NPAS3: variants seen among roughly 807,000 people sequenced by gnomAD.
NPAS3 encodes neuronal PAS domain protein 3, also known as neuronal PAS domain-containing protein 3.
Under a neutral mutation model 73.1 loss-of-function variants are expected in NPAS3, and 14 were observed. The ratio of observed to expected loss-of-function variants is 0.19; its 90% CI spans 0.13 to 0.30. NPAS3 has a LOEUF of 0.30. Among genes scored for constraint, NPAS3 ranks in the 10% least tolerant of loss-of-function variants. The pLI, the probability that NPAS3 is intolerant of heterozygous loss-of-function variation, is 1.00. For missense variants in NPAS3, 1,096 were observed against 1,250.0 expected (o/e 0.88, Z 1.86); for synonymous variants, 620 against 541.5 (o/e 1.14, Z -2.01).
chr14:33,449,970 T>A (rs1245379153), intron 4 of NPAS3, among the ~76,000 whole-genome samples: 5 of 152,180 alleles, frequency 3.3e-5, no homozygotes, highest in African/African-American at 1.2e-4. Context: ...GTCAGAAAAT[T>A]AACAACTGAG....
At chr14:32,992,450 A>G (rs1330058337) in intron 1 of NPAS3, among the ~76,000 whole-genome samples, 1 of 152,146 alleles carries the variant, frequency 6.6e-6, no homozygotes, top group Non-Finnish European at 1.5e-5. Context: ...ACCCAGGTAC[A>G]GGTAGTGTCT....
downstream of NPAS3, chr14:33,803,660 CAGAT>C (rs2063765774): frequency 6.9e-6 from 1 of 145,384 alleles, no homozygotes; most frequent in African/African-American, 2.6e-5. Flanking sequence ...TTTAAACTAA[CAGAT>C]AATCACAGCT....
chr14:33,563,537 C>CGCACACACACACACAGAGAGAGAG (rs2055760190), intron 5 of NPAS3, among the ~76,000 whole-genome samples: 1 of 119,652 alleles, frequency 8.4e-6, no homozygotes, highest in African/African-American at 3.7e-5. Flanking sequence ...CACACACACA[C>CGCACACACACACACAGAGAGAGAG]AGAGAGAGAG....
intron 9 of NPAS3, among the ~76,000 whole-genome samples, chr14:33,789,675 G>A (rs1182129699): frequency 7.7e-6 from 1 of 130,510 alleles, no homozygotes; most frequent in Non-Finnish European, 1.6e-5. Flanking sequence ...TGCAAGCTCC[G>A]CCTCCCGGGT....
intron 7 of NPAS3, among the ~76,000 whole-genome samples, chr14:33,742,789 T>C (rs906923382): frequency 1.3e-5 from 2 of 152,224 alleles, no homozygotes; most frequent in African/African-American, 2.4e-5. Context: ...TTTCAAACCC[T>C]TATCAATTAA....
At chr14:33,008,328 T>C (rs2039071763) in intron 1 of NPAS3, among the ~76,000 whole-genome samples, 2 of 152,156 alleles carry the variant, frequency 1.3e-5, no homozygotes, top group Admixed American at 1.3e-4. Flanking sequence ...TAGAGTAACA[T>C]ATACAATACA....
chr14:33,367,341 A>C (rs999763771), intron 4 of NPAS3, 73 bp downstream of exon 4: 5 of 702,144 alleles, frequency 7.1e-6, no homozygotes, highest in Non-Finnish European at 1.2e-5. Flanking sequence ...TTTTTTTTAA[A>C]GAATTTTTTT....
At chr14:33,154,015 G>T (rs2044556720) in intron 2 of NPAS3, among the ~76,000 whole-genome samples, 1 of 152,142 alleles carries the variant, frequency 6.6e-6, no homozygotes, top group African/African-American at 2.4e-5. Flanking sequence ...CATTCAGTGT[G>T]GGTCCAGGCT....
intron 10 of NPAS3, among the ~76,000 whole-genome samples, chr14:33,797,152 C>T (rs2063536831): frequency 1.3e-5 from 2 of 152,180 alleles, no homozygotes; most frequent in South Asian, 2.1e-4. Context: ...CCTCCCTTCC[C>T]CCAGGTGTAC....
At chr14:33,407,899 T>C (rs1444699944) in intron 4 of NPAS3, among the ~76,000 whole-genome samples, 2 of 152,166 alleles carry the variant, frequency 1.3e-5, no homozygotes, top group Non-Finnish European at 2.9e-5. Flanking sequence ...GGTCGGATGC[T>C]TCATAGCCTC....
intron 1 of NPAS3, among the ~76,000 whole-genome samples, chr14:32,958,448 C>T (rs918320071): frequency 6.6e-6 from 1 of 152,162 alleles, no homozygotes; most frequent in East Asian, 1.9e-4. Flanking sequence ...ATACTCTGAT[C>T]CCTGGACTTC....
intron 2 of NPAS3, among the ~76,000 whole-genome samples, chr14:33,137,262 A>G (rs1391208682): frequency 6.6e-6 from 1 of 152,174 alleles, no homozygotes; most frequent in African/African-American, 2.4e-5. Flanking sequence ...TAGTTGGACT[A>G]TTATAGTGAA....
intron 6 of NPAS3, among the ~76,000 whole-genome samples, chr14:33,729,883 G>A (rs573218764): frequency 5.3e-5 from 8 of 152,230 alleles, no homozygotes; most frequent in Non-Finnish European, 7.4e-5. Flanking sequence ...TACCACAGAT[G>A]TCATCCTGGA....
chr14:33,483,343 T>A (rs2139730635), intron 4 of NPAS3, among the ~76,000 whole-genome samples: 1 of 152,160 alleles, frequency 6.6e-6, no homozygotes, highest in East Asian at 1.9e-4. Flanking sequence ...TCTCCACCCG[T>A]GGGTTTTGTT....
chr14:33,680,086 T>C (rs113345815), intron 6 of NPAS3, among the ~76,000 whole-genome samples: 87 of 152,220 alleles, frequency 5.7e-4, no homozygotes, highest in Non-Finnish European at 7.6e-4. Flanking sequence ...ACAGAACCTC[T>C]GACCAATGGC....
Position 33,242,003 on chromosome 14 carries a change from C to T in NPAS3, c.385+26577C>T, listed in dbSNP as rs1188547429. Among the ~76,000 whole-genome samples, 5 of 151,842 alleles carry T rather than the reference C, an allele frequency of 3.3e-5. No homozygotes were observed. In the East Asian group the frequency reaches 9.7e-4, roughly 29 times the overall value. Reference sequence around the variant, plus strand: ...TAAACTTACTTCTTCATTTGTAAACCCTTGTAAGTAGCAATTCTGATAACA... The same window carrying T: ...TAAACTTACTTCTTCATTTGTAAACTCTTGTAAGTAGCAATTCTGATAACA... On this transcript the variant is annotated intron_variant, in intron 3 of 11. Coordinates refer to ENST00000356141, the Ensembl canonical transcript of NPAS3.
rs2768841 is a variant in NPAS3 at position 33,319,751 on chromosome 14, G to A, written c.386-47435G>A. Among the ~76,000 whole-genome samples the A allele has an allele frequency of 7.4e-3, 1,124 of 152,158 alleles. 5 individuals carry two copies. Among genetic ancestry groups the A allele is most frequent in the Non-Finnish European group, 0.012 (824 of 68,018 alleles). On this transcript the variant is annotated intron_variant, in intron 3 of 11. Transcript: ENST00000356141. Reference sequence around the variant, plus strand: ...TACCTGATGCACAGGACAACCTCCCGCAAAGCTCCAAATGCCAACAGGGCC... The same window carrying A: ...TACCTGATGCACAGGACAACCTCCCACAAAGCTCCAAATGCCAACAGGGCC...
intron 6 of NPAS3, among the ~76,000 whole-genome samples, chr14:33,679,331 G>C (rs1409148364): frequency 6.6e-6 from 1 of 152,216 alleles, no homozygotes; most frequent in East Asian, 1.9e-4. Flanking sequence ...GCAGTGTAGG[G>C]TGCTACCTTA....
chr14:33,198,006 GCTGCAGAC>G (rs2139562536), intron 2 of NPAS3, among the ~76,000 whole-genome samples: 1 of 152,268 alleles, frequency 6.6e-6, no homozygotes, highest in South Asian at 2.1e-4. Context: ...CAGGAGTGAA[GCTGCAGAC>G]CTTCACGGTG....
Sources: allele counts gnomAD v4.1 joint callset (sites outside exome capture counted in the v4.1 genomes callset), GRCh38; gene constraint gnomAD v4.1.1; transcripts MANE v1.5; gene names NCBI Gene and HGNC (gene_info 2026-07-23, HGNC 2026-07-21).